CCDC66: variants seen among roughly 807,000 people sequenced by gnomAD.
CCDC66 encodes coiled-coil domain-containing protein 66.
In CCDC66, 133 loss-of-function variants were observed where a neutral mutation model predicts 128.3. The observed-to-expected ratio is 1.04, with a 90% CI of 0.90 to 1.20. CCDC66 has a LOEUF of 1.20. Among genes scored for constraint, CCDC66 ranks in the 50% most tolerant of loss-of-function variants. The pLI, the probability that CCDC66 is intolerant of heterozygous loss-of-function variation, is 0.00. For missense variants in CCDC66, 1,126 were observed against 1,075.5 expected, an observed-to-expected ratio of 1.05 and a Z score of -0.66; for synonymous variants, 387 against 357.0, an observed-to-expected ratio of 1.08 and a Z score of -0.95.
chr3:56,583,051 G>A (rs141435405), intron 7 of CCDC66, among the ~76,000 whole-genome samples: 29 of 151,122 alleles, frequency 1.9e-4, no homozygotes, highest in East Asian at 6.0e-4. Flanking sequence ...CTAATTTTTC[G>A]TATTCTGTAG....
Position 56,557,178 on chromosome 3 carries a change from C to T in CCDC66, c.-65C>T, listed in dbSNP as rs536588314. On this transcript the variant is annotated 5_prime_UTR_variant, in exon 1 of 18. Transcript: ENST00000394672. ...TCCAATTGGCGTAGCGCTTGCTGAG[C>T]GGCGGCGGCAACCGACGTACACAAG... 3 of 1,546,580 alleles carry T rather than the reference C, an allele frequency of 1.9e-6. No individual in the cohort carries two copies. The highest frequency in any genetic ancestry group is 2.7e-5 in the African/African-American group (2 of 72,872).
chr3:56,617,459 AAAGT>A lies in CCDC66; in HGVS notation c.2195_2198del (p.Val732GlyfsTer10), dbSNP rs754572923. Reference sequence around the variant, plus strand: ...GCTTCAAAAGCAGAGAGAAGAAAAAAAAGTAAGGAGGCAGATGGAATTGCTTCAT... The same window carrying A: ...GCTTCAAAAGCAGAGAGAAGAAAAAAAAGGAGGCAGATGGAATTGCTTCAT... On this transcript the variant is annotated frameshift_variant, in exon 14 of 18. Transcript: ENST00000394672. LOFTEE classifies it high-confidence loss of function. The A allele has an allele frequency of 1.5e-5, 25 of 1,614,060 alleles. No individual in the cohort carries two copies. Among genetic ancestry groups the A allele is most frequent in the Non-Finnish European group, 1.9e-5 (23 of 1,179,972 alleles).
At chr3:56,569,409 G>A (rs1458969525) in intron 6 of CCDC66, 3 of 258,980 alleles carry the variant, frequency 1.2e-5, no homozygotes, top group South Asian at 7.7e-5. Flanking sequence ...GGGGGAGCAG[G>A]CATTTTACAT....
At chr3:56,592,914 T>C in intron 7 of CCDC66, 56 bp from the exon 8 acceptor site, 1 of 1,579,018 alleles carries the variant, frequency 6.3e-7, no homozygotes, top group Non-Finnish European at 8.6e-7. Context: ...TTGCACATAT[T>C]AAGTGATTAG....
intron 6 of CCDC66, 30 bp from the exon 7 acceptor site, chr3:56,571,151 A>G: frequency 6.9e-7 from 1 of 1,443,508 alleles, no homozygotes; most frequent in Non-Finnish European, 9.4e-7. Context: ...CAGTTTTTGT[A>G]CATTTTTTTA....
chr3:56,583,051 G>T (rs141435405), intron 7 of CCDC66, among the ~76,000 whole-genome samples: 3 of 151,122 alleles, frequency 2.0e-5, no homozygotes, highest in African/African-American at 7.3e-5. Flanking sequence ...CTAATTTTTC[G>T]TATTCTGTAG....
intron 10 of CCDC66, among the ~76,000 whole-genome samples, chr3:56,607,608 T>C (rs1455909941): frequency 6.6e-6 from 1 of 152,152 alleles, no homozygotes; most frequent in Non-Finnish European, 1.5e-5. Flanking sequence ...ACTTCCTCTT[T>C]ACTGATTTGG....
At chr3:56,603,186 A>C (rs184072304) in intron 10 of CCDC66, among the ~76,000 whole-genome samples, 9 of 151,580 alleles carry the variant, frequency 5.9e-5, no homozygotes, top group South Asian at 2.1e-4. Context: ...TTTTCTTCTT[A>C]TTAGTCTGGC....
At chr3:56,565,228 T>TTATA in intron 4 of CCDC66, 1 of 233,260 alleles carries the variant, frequency 4.3e-6, no homozygotes, top group Non-Finnish European at 9.3e-6. Flanking sequence ...ATCAAGATAT[T>TTATA]TGTATTCCCC....
rs1013510941 is a variant in CCDC66, at chr3:56,621,587, A to C, written c.2816A>C (p.Asn939Thr). Residue 939 changes from asparagine to threonine, a missense_variant, in exon 18 of 18, where the codon AAT becomes ACT. Asn to Thr is a moderately conservative substitution (Grantham distance 65). Coordinates refer to ENST00000394672, the MANE Select transcript of CCDC66 (RefSeq NM_001141947.3). ...AGTAGTCTCCTGCCTTTAGCTGAAA[A>C]TCAAGAAGAGAGTTTTGGTTCTTCA... ...LESSLLPLAENQEESFGSSF is the reference protein window; with the variant it reads ...LESSLLPLAETQEESFGSSF The C allele has an allele frequency of 3.7e-6, 6 of 1,600,740 alleles. No individual in the cohort carries two copies. The Admixed American group carries it at 8.7e-5, about 23-fold the overall frequency.
rs372141929 is a variant in CCDC66, at chr3:56,618,241, C to T, written c.2378+29C>T. On this transcript the variant is annotated intron_variant, in intron 15 of 17. Transcript: ENST00000394672. ...AGTATGCATCAGATTAATTCCGCAG[C>T]TACTTAATGCTTTCTATGTGGGACA... 1.9e-6 allele frequency: 3 copies of T among 1,588,992 alleles called. No individual in the cohort carries two copies. The African/African-American group carries it at 4.0e-5, about 21-fold the overall frequency.
chr3:56,588,070 G>T (rs1348898720), intron 7 of CCDC66, among the ~76,000 whole-genome samples: 1 of 152,146 alleles, frequency 6.6e-6, no homozygotes, highest in Admixed American at 6.5e-5. Context: ...AGTGGATAAA[G>T]AAACTGTGAG....
rs149407195 is a variant in CCDC66, at chr3:56,575,257, T to TA, written c.936+3956dup. 2.7e-3 allele frequency among the ~76,000 whole-genome samples: 415 copies of TA among 151,980 alleles called. 1 individual carries two copies. Among genetic ancestry groups the TA allele is most frequent in the Admixed American group, 4.1e-3 (62 of 15,122 alleles). ...ATTTCTTCACATCCTCACCAACACT[T>TA]ACTTTCTGATTTATTGACAGTATCC... On this transcript the variant is annotated intron_variant, in intron 7 of 17. Transcript: ENST00000394672.
chr3:56,574,960 G>GT (rs2067159741), intron 7 of CCDC66, among the ~76,000 whole-genome samples: 1 of 151,732 alleles, frequency 6.6e-6, no homozygotes, highest in Non-Finnish European at 1.5e-5. Flanking sequence ...AATTTGGATT[G>GT]TTTCTACCTT....
intron 7 of CCDC66, among the ~76,000 whole-genome samples, chr3:56,587,119 T>G (rs2069916207): frequency 6.6e-6 from 1 of 151,868 alleles, no homozygotes; most frequent in South Asian, 2.1e-4. Flanking sequence ...AAAATAAATT[T>G]CAAGTCCTAA....
At chr3:56,568,114 G>A (rs2066135200) in intron 6 of CCDC66, among the ~76,000 whole-genome samples, 1 of 152,150 alleles carries the variant, frequency 6.6e-6, no homozygotes, top group Non-Finnish European at 1.5e-5. Flanking sequence ...TCTGGACAGG[G>A]GAGAATCCTC....
chr3:56,608,832 T>C (rs933187328), intron 10 of CCDC66, among the ~76,000 whole-genome samples: 1 of 152,236 alleles, frequency 6.6e-6, no homozygotes, highest in Non-Finnish European at 1.5e-5. Flanking sequence ...TCAAAGAATT[T>C]TTAAATTTTC....
At chr3:56,568,791 A>G (rs1322712240) in intron 6 of CCDC66, among the ~76,000 whole-genome samples, 1 of 152,214 alleles carries the variant, frequency 6.6e-6, no homozygotes, top group East Asian at 1.9e-4. Flanking sequence ...GCTTTCTTTC[A>G]GCTTTGGACC....
At chr3:56,585,636 A>G (rs2069555289) in intron 7 of CCDC66, among the ~76,000 whole-genome samples, 1 of 151,846 alleles carries the variant, frequency 6.6e-6, no homozygotes, top group Non-Finnish European at 1.5e-5. Flanking sequence ...GCATTTAAAT[A>G]TGAGAAAATG....
Sources: gnomAD v4.1 joint callset for allele counts (sites outside exome capture counted in the v4.1 genomes callset) on GRCh38, gnomAD v4.1.1 for gene constraint, MANE v1.5 for transcripts, NCBI Gene and HGNC (gene_info 2026-07-23, HGNC 2026-07-21) for gene names.